The following GRID2 variants were observed in gnomAD, a reference collection of about 807,000 sequenced individuals.
GRID2 encodes glutamate receptor ionotropic, delta-2.
Under a neutral mutation model 114.8 loss-of-function variants are expected in GRID2, and 33 were observed. The observed-to-expected ratio is 0.29, with a 90% CI of 0.22 to 0.38. GRID2 has a LOEUF of 0.38. Ranked by LOEUF, GRID2 falls within the 10% of genes least tolerant of loss-of-function variation. GRID2 has a pLI of 1.00. For missense variants in GRID2, 1,184 were observed against 1,257.7 expected (o/e 0.94, Z 0.89); for synonymous variants, 505 against 449.9 (o/e 1.12, Z -1.55).
chr4:92,571,708 T>C (rs1338953824), intron 1 of GRID2, among the ~76,000 whole-genome samples: 2 of 151,516 alleles, frequency 1.3e-5, no homozygotes, highest in African/African-American at 4.8e-5. Context: ...GCAATCAAAC[T>C]AGAACTCAGG....
chr4:93,204,528 C>T (rs1447806438), intron 4 of GRID2, among the ~76,000 whole-genome samples: 10 of 152,130 alleles, frequency 6.6e-5, no homozygotes, highest in Non-Finnish European at 1.3e-4. Context: ...GAGACTATCT[C>T]CTTGCTGACC....
At position 92,793,710 on chromosome 4, in the gene GRID2, A is replaced by T. The variant is rs535431525; in HGVS notation, c.244+203424A>T. 3.9e-5 allele frequency among the ~76,000 whole-genome samples: 6 copies of T among 151,978 alleles called. No individual in the cohort carries two copies. The South Asian group carries it at 1.2e-3, about 32-fold the overall frequency. ...ATGTGTTTTGGGAGTATTTGAGCTG[A>T]AAGTTGGCTCTCTACTTTCTCTTGG... On this transcript the variant is annotated intron_variant, in intron 2 of 15. Transcript: ENST00000282020.
At chr4:93,432,765 T>C (rs1020531297) in intron 10 of GRID2, among the ~76,000 whole-genome samples, 1 of 152,120 alleles carries the variant, frequency 6.6e-6, no homozygotes, top group African/African-American at 2.4e-5. Context: ...AATCATGTAT[T>C]GATATTGGTT....
intron 2 of GRID2, among the ~76,000 whole-genome samples, chr4:92,702,842 A>G (rs1289550729): frequency 6.6e-6 from 1 of 152,058 alleles, no homozygotes; most frequent in Non-Finnish European, 1.5e-5. Flanking sequence ...CCTTCTACAA[A>G]TTGGTAAGAA....
chr4:92,619,116 G>C (rs1330664392), intron 2 of GRID2, among the ~76,000 whole-genome samples: 1 of 151,568 alleles, frequency 6.6e-6, no homozygotes, highest in African/African-American at 2.4e-5. Context: ...TTAATGGTCA[G>C]CCAAGGATTA....
intron 9 of GRID2, among the ~76,000 whole-genome samples, chr4:93,410,744 T>C (rs1767040148): frequency 2.0e-5 from 3 of 152,186 alleles, no homozygotes; most frequent in Non-Finnish European, 2.9e-5. Flanking sequence ...CCAACATGCC[T>C]GGCTAATTTT....
chr4:93,074,301 G>A (rs2149308898), intron 2 of GRID2, among the ~76,000 whole-genome samples: 1 of 152,198 alleles, frequency 6.6e-6, no homozygotes, highest in Admixed American at 6.5e-5. Flanking sequence ...ACAGCAATAT[G>A]TCTAAAATTA....
At chr4:93,511,704 A>G (rs1729199045) in intron 12 of GRID2, among the ~76,000 whole-genome samples, 1 of 151,978 alleles carries the variant, frequency 6.6e-6, no homozygotes, top group Admixed American at 6.6e-5. Context: ...AGAGTATACT[A>G]TGAGTTATAC....
intron 8 of GRID2, among the ~76,000 whole-genome samples, chr4:93,309,447 T>G (rs1458314751): frequency 6.6e-6 from 1 of 151,414 alleles, no homozygotes; most frequent in East Asian, 1.9e-4. Context: ...GACACGAGAA[T>G]TGCTTGAACC....
rs796167601 is a variant in GRID2, at chr4:93,139,240, G to T, written c.735+28287G>T. Among the ~76,000 whole-genome samples the T allele has an allele frequency of 4.6e-5, 7 of 152,208 alleles. 1 individual carries two copies. In the South Asian group the frequency reaches 6.2e-4, roughly 14 times the overall value. On this transcript the variant is annotated intron_variant, in intron 4 of 15. Transcript: ENST00000282020. ...CCCAGAGGGGTGAGGGGAGACAGTG[G>T]TTATCTGAAACCAGAAGGAAAGACA...
At chr4:93,386,933 C>T (rs1277501866) in intron 8 of GRID2, among the ~76,000 whole-genome samples, 1 of 152,138 alleles carries the variant, frequency 6.6e-6, no homozygotes, top group Admixed American at 6.5e-5. Context: ...ATGTATAAAA[C>T]ATGGCTGGCC....
At chr4:93,460,851 A>G (rs1189838646) in intron 11 of GRID2, among the ~76,000 whole-genome samples, 1 of 151,494 alleles carries the variant, frequency 6.6e-6, no homozygotes, top group East Asian at 1.9e-4. Context: ...AAAGAAATTT[A>G]TCTGTAATGT....
intron 14 of GRID2, among the ~76,000 whole-genome samples, chr4:93,665,596 G>C (rs953439817): frequency 2.8e-4 from 42 of 152,078 alleles, no homozygotes; most frequent in Non-Finnish European, 1.2e-4. Flanking sequence ...TGTACACTTC[G>C]CACCTGAGTT....
intron 2 of GRID2, among the ~76,000 whole-genome samples, chr4:92,749,206 G>A (rs1333831243): frequency 6.6e-6 from 1 of 151,552 alleles, no homozygotes; most frequent in African/African-American, 2.4e-5. Flanking sequence ...GCTTCACCAT[G>A]TTGGCCAGGA....
At chr4:93,674,675 T>C (rs1724700394) in intron 14 of GRID2, among the ~76,000 whole-genome samples, 1 of 152,076 alleles carries the variant, frequency 6.6e-6, no homozygotes, top group Admixed American at 6.5e-5. Context: ...CTGTTAACTT[T>C]TCTTACATAA....
chr4:92,906,029 G>T (rs1747927026), intron 2 of GRID2, among the ~76,000 whole-genome samples: 1 of 152,094 alleles, frequency 6.6e-6, no homozygotes, highest in Admixed American at 6.6e-5. Context: ...AAAAATATTG[G>T]AGAGTTAATT....
chr4:92,519,713 G>C (rs574738720), intron 1 of GRID2, among the ~76,000 whole-genome samples: 1 of 151,742 alleles, frequency 6.6e-6, no homozygotes, highest in African/African-American at 2.4e-5. Context: ...CATTTAGCAA[G>C]CTGAGACCCA....
intron 1 of GRID2, among the ~76,000 whole-genome samples, chr4:92,451,763 T>G (rs966569547): frequency 2.0e-5 from 3 of 151,762 alleles, no homozygotes; most frequent in African/African-American, 7.2e-5. Flanking sequence ...GAGCAATAAT[T>G]CAGGAAAATT....
intron 8 of GRID2, among the ~76,000 whole-genome samples, chr4:93,379,624 T>C (rs1309807716): frequency 6.6e-6 from 1 of 152,108 alleles, no homozygotes; most frequent in Non-Finnish European, 1.5e-5. Context: ...TAAAATACTT[T>C]GAATCAGAAT....
Sources: gnomAD v4.1 joint callset for allele counts (sites outside exome capture counted in the v4.1 genomes callset) on GRCh38, gnomAD v4.1.1 for gene constraint, MANE v1.5 for transcripts, NCBI Gene and HGNC (gene_info 2026-07-23, HGNC 2026-07-21) for gene names.